The following RBMS1 variants were observed in gnomAD, a reference collection of about 807,000 sequenced individuals.
RBMS1 encodes RNA-binding motif, single-stranded-interacting protein 1.
A neutral mutation model predicts 62.3 loss-of-function variants in RBMS1; 17 were observed. That is an observed-to-expected ratio of 0.27 (90% CI 0.19 to 0.41). The LOEUF (loss-of-function observed/expected upper bound fraction) is 0.41, where lower values mean the gene tolerates loss of function less well. Among genes scored for constraint, RBMS1 ranks in the 10% least tolerant of loss-of-function variants. RBMS1 has a pLI of 1.00. For missense variants in RBMS1, 334 were observed against 504.5 expected (o/e 0.66, Z 3.24); for synonymous variants, 172 against 170.0 (o/e 1.01, Z -0.09).
rs574509616 is a variant in RBMS1, at chr2:160,330,253, C to T, written c.252-12026G>A. Among the ~76,000 whole-genome samples the T allele has an allele frequency of 4.6e-5, 7 of 152,164 alleles. No homozygotes were observed. In the East Asian group the frequency reaches 1.4e-3, roughly 29 times the overall value. ...TTGAGTGAGTGGGTAACTGGATGAA[C>T]GAGTGATTGAGTTGTCAACTGTTGG... is the stretch of plus-strand genomic sequence containing the variant. On this transcript the variant is annotated intron_variant, in intron 2 of 13. Coordinates refer to ENST00000348849, the MANE Select transcript of RBMS1 (RefSeq NM_016836.4).
intron 2 of RBMS1, among the ~76,000 whole-genome samples, chr2:160,361,230 C>T (rs574802339): frequency 2.1e-4 from 32 of 152,346 alleles, no homozygotes; most frequent in Middle Eastern, 3.4e-3. Flanking sequence ...ATCTAGAACT[C>T]TGCATATGAT....
At chr2:160,461,827 A>T (rs773893859) in intron 1 of RBMS1, among the ~76,000 whole-genome samples, 10 of 152,210 alleles carry the variant, frequency 6.6e-5, no homozygotes, top group Non-Finnish European at 8.8e-5. Flanking sequence ...AAGGAGAGAG[A>T]GTTTCGTTGC....
At chr2:160,385,646 T>C (rs1343384695) in intron 1 of RBMS1, among the ~76,000 whole-genome samples, 2 of 152,206 alleles carry the variant, frequency 1.3e-5, no homozygotes, top group African/African-American at 2.4e-5. Flanking sequence ...GAAATGCTCA[T>C]CACTTAGGAC....
intron 9 of RBMS1, chr2:160,283,539 G>A (rs1479251844): frequency 6.6e-6 from 1 of 152,218 alleles, no homozygotes; most frequent in Non-Finnish European, 1.5e-5. Flanking sequence ...AGAAGCATAG[G>A]AGACTGTGAA....
At chr2:160,334,916 C>T (rs1238057897) in intron 2 of RBMS1, among the ~76,000 whole-genome samples, 1 of 151,082 alleles carries the variant, frequency 6.6e-6, no homozygotes, top group African/African-American at 2.4e-5. Context: ...ATAATGGATA[C>T]CTAAGATTTT....
chr2:160,468,931 A>T (rs1442700065), intron 1 of RBMS1, among the ~76,000 whole-genome samples: 1 of 152,184 alleles, frequency 6.6e-6, no homozygotes, highest in East Asian at 1.9e-4. Flanking sequence ...TAGAATTATT[A>T]TATATACATA....
chr2:160,486,322 G>A (rs1685600265), intron 1 of RBMS1, among the ~76,000 whole-genome samples: 1 of 151,978 alleles, frequency 6.6e-6, no homozygotes, highest in Admixed American at 6.6e-5. Context: ...TTCGGAGCAT[G>A]GCATTCTATG....
chr2:160,284,708 T>A (rs529451874), intron 9 of RBMS1, 67 bp downstream of exon 9: 4 of 1,249,268 alleles, frequency 3.2e-6, no homozygotes, highest in Non-Finnish European at 4.7e-6. Flanking sequence ...TTAAGACACA[T>A]AAAAATGTAG....
rs1689332425 is a variant in RBMS1, at chr2:160,303,624, C to T, written c.403-137G>A. The stretch of plus-strand genomic sequence containing the variant: ...CAGAACCTCAGAACACCAAAGTCAC[C>T]CTGGACTCTTGAAAATAGTGTCTGA... On this transcript the variant is annotated intron_variant, in intron 4 of 13. Coordinates refer to ENST00000348849, the MANE Select transcript of RBMS1 (RefSeq NM_016836.4). 4 of 909,412 alleles carry T rather than the reference C, an allele frequency of 4.4e-6. No homozygotes were observed. The East Asian group carries it at 8.1e-5, about 18-fold the overall frequency. 56.3% of individuals were successfully genotyped at this position (909,412 alleles called of 1,614,324 possible).
At chr2:160,433,991 C>T (rs1239333598) in intron 1 of RBMS1, among the ~76,000 whole-genome samples, 1 of 152,174 alleles carries the variant, frequency 6.6e-6, no homozygotes, top group Non-Finnish European at 1.5e-5. Context: ...TTTAATCTCA[C>T]ATTTTTATGA....
chr2:160,274,506 A>G lies in RBMS1; in HGVS notation c.*266T>C, dbSNP rs989910886. On this transcript the variant is annotated 3_prime_UTR_variant, in exon 14 of 14. Coordinates refer to ENST00000348849, the MANE Select transcript of RBMS1 (RefSeq NM_016836.4). The stretch of plus-strand genomic sequence containing the variant: ...TTTTGCATCATAACATTTGATAAAA[A>G]TCTTTTGTTTTTGTTTTTTGTTTTT... The G allele has an allele frequency of 4.1e-5, 6 of 147,372 alleles. No individual in the cohort carries two copies. The highest frequency in any genetic ancestry group is 6.0e-5 in the Non-Finnish European group (4 of 66,892). The allele number at this position is 147,372 out of a possible 1,614,324, so 9.1% of individuals were successfully genotyped here. A position where few individuals can be genotyped will look rare whatever the true frequency, so the allele number is the denominator to read the frequency against.
chr2:160,482,471 A>C (rs13034915), intron 1 of RBMS1, among the ~76,000 whole-genome samples: 57 of 152,236 alleles, frequency 3.7e-4, no homozygotes, highest in Non-Finnish European at 6.6e-4. Context: ...ACTATGTTTT[A>C]ATTACATATC....
intron 1 of RBMS1, among the ~76,000 whole-genome samples, chr2:160,451,156 C>CAAAAAAA (rs1683968103): frequency 9.6e-6 from 1 of 104,342 alleles, no homozygotes; most frequent in Admixed American, 1.3e-4. Flanking sequence ...GACCATGCTT[C>CAAAAAAA]AGAAAAAAAA....
At chr2:160,400,234 A>C (rs1352462176) in intron 1 of RBMS1, among the ~76,000 whole-genome samples, 1 of 152,220 alleles carries the variant, frequency 6.6e-6, no homozygotes, top group Non-Finnish European at 1.5e-5. Context: ...AAACCTCTAA[A>C]GAAGCCACAC....
chr2:160,488,130 T>G (rs1685673184), intron 1 of RBMS1, among the ~76,000 whole-genome samples: 2 of 152,238 alleles, frequency 1.3e-5, no homozygotes, highest in South Asian at 4.1e-4. Flanking sequence ...CAAATTTGTG[T>G]GTGTGTGTTC....
At chr2:160,377,429 G>A (rs1172357924) in intron 1 of RBMS1, among the ~76,000 whole-genome samples, 1 of 152,152 alleles carries the variant, frequency 6.6e-6, no homozygotes, top group Non-Finnish European at 1.5e-5. Flanking sequence ...AGCCATTTGG[G>A]GTGGGGTCAA....
At chr2:160,392,627 G>A (rs956522799) in intron 1 of RBMS1, among the ~76,000 whole-genome samples, 5 of 152,142 alleles carry the variant, frequency 3.3e-5, no homozygotes, top group South Asian at 2.1e-4. Context: ...AATAAAAAGA[G>A]GAAGGGCATT....
chr2:160,483,718 A>G (rs1221889304), intron 1 of RBMS1, among the ~76,000 whole-genome samples: 27 of 152,232 alleles, frequency 1.8e-4, no homozygotes, highest in Admixed American at 1.8e-3. Flanking sequence ...AAGTCAGTCC[A>G]GAGTGGCTTA....
intron 6 of RBMS1, among the ~76,000 whole-genome samples, chr2:160,293,756 T>A (rs1300277384): frequency 6.6e-6 from 1 of 152,154 alleles, no homozygotes; most frequent in Non-Finnish European, 1.5e-5. Context: ...TAGTTCCAGC[T>A]CACATGCCAT....
Sources: gnomAD v4.1 joint callset for allele counts (sites outside exome capture counted in the v4.1 genomes callset) on GRCh38, gnomAD v4.1.1 for gene constraint, MANE v1.5 for transcripts, NCBI Gene and HGNC (gene_info 2026-07-23, HGNC 2026-07-21) for gene names.